The following NCALD variants were observed in gnomAD, a reference collection of about 807,000 sequenced individuals.
NCALD encodes the protein neurocalcin delta.
A neutral mutation model predicts 18.6 loss-of-function variants in NCALD; 10 were observed. The observed-to-expected ratio is 0.54, with a 90% CI of 0.33 to 0.91. NCALD has a LOEUF of 0.91. Ranked by LOEUF, NCALD falls within the 40% of genes least tolerant of loss-of-function variation. NCALD has a pLI of 0.03. For missense variants in NCALD, 184 were observed against 247.6 expected (o/e 0.74, Z 1.72); for synonymous variants, 88 against 87.4 (o/e 1.01, Z -0.04).
chr8:101,748,540 T>C (rs1365030717), intron 1 of NCALD, among the ~76,000 whole-genome samples: 1 of 152,172 alleles, frequency 6.6e-6, no homozygotes, highest in African/African-American at 2.4e-5. Context: ...ACCCTGCCCA[T>C]GGTGGGCTTG....
At chr8:102,043,860 C>T (rs755814310) in intron 1 of NCALD, among the ~76,000 whole-genome samples, 3 of 151,740 alleles carry the variant, frequency 2.0e-5, no homozygotes, top group African/African-American at 4.9e-5. Flanking sequence ...CATTACTGCT[C>T]GTTGTCTTTG....
At chr8:102,101,208 C>T (rs573701931) in intron 1 of NCALD, among the ~76,000 whole-genome samples, 9 of 152,306 alleles carry the variant, frequency 5.9e-5, no homozygotes, top group East Asian at 3.9e-4. Context: ...AAAGAGAACA[C>T]GCATCACTCA....
intron 1 of NCALD, among the ~76,000 whole-genome samples, chr8:102,070,461 A>C (rs1025903134): frequency 5.3e-5 from 8 of 152,136 alleles, no homozygotes; most frequent in African/African-American, 1.9e-4. Flanking sequence ...ATATCTATTC[A>C]ACAGCAAAAA....
chr8:101,879,256 A>G (rs1388019885), intron 4 of NCALD, among the ~76,000 whole-genome samples: 1 of 152,116 alleles, frequency 6.6e-6, no homozygotes, highest in Non-Finnish European at 1.5e-5. Flanking sequence ...ACAATTCCTA[A>G]AGATGGTGTG....
intron 1 of NCALD, among the ~76,000 whole-genome samples, chr8:101,749,051 G>A (rs374748014): frequency 2.8e-4 from 42 of 152,266 alleles, no homozygotes; most frequent in Admixed American, 7.2e-4. Flanking sequence ...CATCTTGTCA[G>A]TTTCATGAGT....
chr8:101,739,013 G>A (rs1586359757), intron 1 of NCALD, among the ~76,000 whole-genome samples: 1 of 151,886 alleles, frequency 6.6e-6, no homozygotes, highest in African/African-American at 2.4e-5. Flanking sequence ...TAGGGTACAC[G>A]TGCTGTTCTC....
At chr8:102,010,082 G>T (rs1821853553) in intron 2 of NCALD, among the ~76,000 whole-genome samples, 1 of 152,238 alleles carries the variant, frequency 6.6e-6, no homozygotes, top group South Asian at 2.1e-4. Flanking sequence ...AGGGGCCCCA[G>T]GTTGGGGAGG....
intron 2 of NCALD, among the ~76,000 whole-genome samples, chr8:101,952,566 C>T (rs188522677): frequency 1.8e-4 from 28 of 152,318 alleles, no homozygotes; most frequent in African/African-American, 5.8e-4. Context: ...GTCCCCTGCT[C>T]ATCTCTGGTC....
chr8:101,765,990 C>T (rs910349509), intron 1 of NCALD, among the ~76,000 whole-genome samples: 2 of 152,188 alleles, frequency 1.3e-5, no homozygotes, highest in Non-Finnish European at 2.9e-5. Flanking sequence ...GAAAGTCTCA[C>T]GTGCACATGT....
intron 3 of NCALD, among the ~76,000 whole-genome samples, chr8:101,914,145 C>A (rs886357740): frequency 6.6e-6 from 1 of 152,208 alleles, no homozygotes; most frequent in Admixed American, 6.5e-5. Context: ...ATTGAGTCAT[C>A]ATGTCTCCTT....
chr8:101,824,502 A>T (rs75879921), intron 4 of NCALD, among the ~76,000 whole-genome samples: 3,222 of 152,062 alleles, frequency 0.021, 116 homozygotes, highest in East Asian at 0.12. Flanking sequence ...GCTGAACCAA[A>T]GCTCCTACCA....
At chr8:102,064,821 C>T (rs143856839) in intron 1 of NCALD, among the ~76,000 whole-genome samples, 2 of 152,120 alleles carry the variant, frequency 1.3e-5, no homozygotes, top group East Asian at 1.9e-4. Flanking sequence ...GTGTTATCAG[C>T]GGGAAGCACC....
At chr8:101,817,459 C>G (rs771791394) in intron 4 of NCALD, among the ~76,000 whole-genome samples, 11 of 152,048 alleles carry the variant, frequency 7.2e-5, no homozygotes, top group Non-Finnish European at 1.6e-4. Flanking sequence ...GTTTCCAAGC[C>G]TAATAATAAA....
chr8:101,940,923 C>T (rs1818933255), intron 2 of NCALD, among the ~76,000 whole-genome samples: 1 of 152,056 alleles, frequency 6.6e-6, no homozygotes, highest in Non-Finnish European at 1.5e-5. Flanking sequence ...ACCGTCAAAG[C>T]TATAAAATAA....
chr8:101,830,089 A>G, intron 4 of NCALD, among the ~76,000 whole-genome samples: 1 of 151,444 alleles, frequency 6.6e-6, no homozygotes, highest in South Asian at 2.1e-4. Context: ...TAATCACCAC[A>G]GGGGTGGGAT....
intron 4 of NCALD, among the ~76,000 whole-genome samples, chr8:101,839,699 A>G (rs565976222): frequency 7.9e-5 from 12 of 152,336 alleles, no homozygotes; most frequent in African/African-American, 2.4e-4. Flanking sequence ...CATATTCCAC[A>G]GGGATGGGTA....
chr8:101,901,228 A>G (rs1013428340), intron 3 of NCALD, among the ~76,000 whole-genome samples: 7 of 151,412 alleles, frequency 4.6e-5, no homozygotes, highest in African/African-American at 1.7e-4. Context: ...TTACCCTCCT[A>G]TATTGTTATA....
chr8:101,927,402 G>C (rs1389388131), intron 2 of NCALD, among the ~76,000 whole-genome samples: 2 of 152,208 alleles, frequency 1.3e-5, no homozygotes, highest in Non-Finnish European at 2.9e-5. Context: ...GGGAGCTGCA[G>C]CAGAGAAGTC....
chr8:101,806,410 T>C (rs894808774), intron 4 of NCALD, among the ~76,000 whole-genome samples: 1 of 152,116 alleles, frequency 6.6e-6, no homozygotes, highest in Non-Finnish European at 1.5e-5. Context: ...AAAGCAGCTA[T>C]TATAAATATG....
Sources: allele counts gnomAD v4.1 joint callset (sites outside exome capture counted in the v4.1 genomes callset), GRCh38; gene constraint gnomAD v4.1.1; transcripts MANE v1.5; gene names NCBI Gene and HGNC (gene_info 2026-07-23, HGNC 2026-07-21).